PDE8B: variants seen among roughly 807,000 people sequenced by gnomAD.
The protein encoded by PDE8B is phosphodiesterase 8B, also known as high affinity cAMP-specific and IBMX-insensitive 3',5'-cyclic phosphodiesterase 8B.
In PDE8B, 26 loss-of-function variants were observed where a neutral mutation model predicts 101.3. The ratio of observed to expected loss-of-function variants is 0.26; its 90% CI spans 0.19 to 0.36. The LOEUF (loss-of-function observed/expected upper bound fraction) is 0.36. Among genes scored for constraint, PDE8B ranks in the 10% least tolerant of loss-of-function variants. The pLI, the probability that PDE8B is intolerant of heterozygous loss-of-function variation, is 1.00. For synonymous variants in PDE8B, 424 were observed against 429.3 expected, an observed-to-expected ratio of 0.99 and a Z score of 0.15; for missense variants, 810 against 1,163.1, an observed-to-expected ratio of 0.70 and a Z score of 4.42.
At chr5:77,415,837 A>G (rs981404878) in intron 17 of PDE8B, among the ~76,000 whole-genome samples, 3 of 152,212 alleles carry the variant, frequency 2.0e-5, no homozygotes, top group African/African-American at 7.2e-5. Context: ...CTTTATTAGT[A>G]TCTGAGCATA....
At chr5:77,149,325 G>C in the PDE8B span, among the ~76,000 whole-genome samples, 2 of 152,142 alleles carry the variant, frequency 1.3e-5, no homozygotes, top group African/African-American at 4.8e-5. Flanking sequence ...TTTGTTCTTA[G>C]TTTTCAGAAT....
chr5:77,117,424 T>A, the PDE8B span, among the ~76,000 whole-genome samples: 1 of 152,170 alleles, frequency 6.6e-6, no homozygotes, highest in Non-Finnish European at 1.5e-5. Flanking sequence ...AGACTGACAA[T>A]GCCTGGTACT....
At chr5:77,257,193 C>G (rs527348481) in intron 1 of PDE8B, among the ~76,000 whole-genome samples, 8 of 151,978 alleles carry the variant, frequency 5.3e-5, no homozygotes, top group Non-Finnish European at 1.2e-4. Context: ...AAACAAAAAG[C>G]AAGATGATAG....
chr5:77,297,106 G>A (rs1263940471), intron 1 of PDE8B, among the ~76,000 whole-genome samples: 1 of 152,206 alleles, frequency 6.6e-6, no homozygotes, highest in Non-Finnish European at 1.5e-5. Flanking sequence ...GGGCAAGTGA[G>A]TGTGGGAGAC....
chr5:77,423,661 A>ATTTTTTTTTTTTTTTTTTTT (rs1797245306), intron 20 of PDE8B, among the ~76,000 whole-genome samples: 1 of 24,966 alleles, frequency 4.0e-5, no homozygotes, highest in African/African-American at 1.3e-4. Flanking sequence ...TTTTTTTTTG[A>ATTTTTTTTTTTTTTTTTTTT]GACAGTCTTG....
chr5:77,404,946 T>G (rs55849414), intron 12 of PDE8B, 149 bp downstream of exon 12: 2 of 608,794 alleles, frequency 3.3e-6, no homozygotes, highest in Admixed American at 5.5e-5. Context: ...GTTTTAGGGG[T>G]TTTAATTATT....
Position 77,349,295 on chromosome 5 carries a change from G to A in PDE8B, c.877-124G>A. ...CAGCTAACTGCATTAGAGAATGTTTGCCCTGGGAACTTCTTGCTTGATATT... is the reference window on the plus strand; with the variant it reads ...CAGCTAACTGCATTAGAGAATGTTTACCCTGGGAACTTCTTGCTTGATATT... On this transcript the variant is annotated intron_variant, in intron 7 of 21. Coordinates refer to ENST00000264917, the MANE Select transcript of PDE8B (RefSeq NM_003719.5). 3.2e-6 allele frequency: 4 copies of A among 1,268,416 alleles called. No individual in the cohort carries two copies. In the South Asian group the frequency reaches 5.0e-5, roughly 16 times the overall value. 78.6% of individuals were successfully genotyped at this position (1,268,416 alleles called of 1,614,324 possible).
chr5:77,242,118 G>A (rs1755888305), intron 1 of PDE8B, among the ~76,000 whole-genome samples: 1 of 152,178 alleles, frequency 6.6e-6, no homozygotes, highest in Admixed American at 6.5e-5. Flanking sequence ...GAGAATGCAT[G>A]GAGCAATTAT....
At chr5:77,090,160 A>C in the PDE8B span, among the ~76,000 whole-genome samples, 1 of 152,260 alleles carries the variant, frequency 6.6e-6, no homozygotes, top group East Asian at 1.9e-4. Context: ...GAATGGGTAC[A>C]AGCAAACAGA....
At chr5:77,139,033 C>T in the PDE8B span, among the ~76,000 whole-genome samples, 6 of 152,202 alleles carry the variant, frequency 3.9e-5, no homozygotes, top group Non-Finnish European at 5.9e-5. Context: ...ATGACTCCCA[C>T]GGCCCCTCCT....
intron 20 of PDE8B, among the ~76,000 whole-genome samples, chr5:77,423,648 T>TTTTTTTTTTTTTTTTTTTTTTTTTTTTG: frequency 7.6e-6 from 1 of 131,124 alleles, no homozygotes; most frequent in African/African-American, 2.8e-5. Flanking sequence ...TTTTTTTTTT[T>TTTTTTTTTTTTTTTTTTTTTTTTTTTTG]TTTTTTTTTT....
At position 77,266,817 on chromosome 5, in the gene PDE8B, G is replaced by A. The variant is rs1761804014; in HGVS notation, c.340-45177G>A. 2.0e-5 allele frequency among the ~76,000 whole-genome samples: 3 copies of A among 151,496 alleles called. No individual in the cohort carries two copies. In the South Asian group the frequency reaches 6.3e-4, roughly 32 times the overall value. ...TAATTCTTCATGTTGGTGGGCCCCT[G>A]CCTTCAGCCCCAAAGAATGCAGCAT... On this transcript the variant is annotated intron_variant, in intron 1 of 21. Coordinates refer to ENST00000264917, the MANE Select transcript of PDE8B (RefSeq NM_003719.5).
chr5:77,230,460 T>G (rs1309915490), intron 1 of PDE8B, among the ~76,000 whole-genome samples: 3 of 152,154 alleles, frequency 2.0e-5, no homozygotes, highest in African/African-American at 7.2e-5. Flanking sequence ...AGCCTGTGCA[T>G]TTTAAATTTA....
chr5:77,121,558 A>C, the PDE8B span, among the ~76,000 whole-genome samples: 1 of 145,514 alleles, frequency 6.9e-6, no homozygotes, highest in Admixed American at 7.1e-5. Context: ...CCCAGGCTGG[A>C]GTGCAGTGGC....
the PDE8B span, among the ~76,000 whole-genome samples, chr5:77,150,360 G>C: frequency 6.6e-6 from 1 of 152,320 alleles, no homozygotes; most frequent in East Asian, 1.9e-4. Flanking sequence ...GTTTCTCAGA[G>C]TTCCCAATGG....
At chr5:77,350,275 T>C (rs933536790) in intron 8 of PDE8B, among the ~76,000 whole-genome samples, 2 of 152,110 alleles carry the variant, frequency 1.3e-5, no homozygotes, top group African/African-American at 4.8e-5. Context: ...TAAGATAAAT[T>C]TGGATTATAG....
At chr5:77,397,844 G>A (rs1341029617) in intron 10 of PDE8B, among the ~76,000 whole-genome samples, 5 of 152,162 alleles carry the variant, frequency 3.3e-5, no homozygotes, top group African/African-American at 4.8e-5. Context: ...GCTGTTGCCC[G>A]TGACTGCTAG....
chr5:77,100,500 C>T, the PDE8B span: 1 of 152,178 alleles, frequency 6.6e-6, no homozygotes, highest in Non-Finnish European at 1.5e-5. Flanking sequence ...TGGTACAGGC[C>T]TTCTTGTTCT....
intron 2 of PDE8B, among the ~76,000 whole-genome samples, chr5:77,324,536 A>G (rs771006927): frequency 7.9e-5 from 12 of 152,192 alleles, no homozygotes; most frequent in Non-Finnish European, 1.5e-4. Flanking sequence ...GAAACTGTGT[A>G]AAGTATTGCT....
Sources: allele counts gnomAD v4.1 joint callset (sites outside exome capture counted in the v4.1 genomes callset), GRCh38; gene constraint gnomAD v4.1.1; transcripts MANE v1.5; gene names NCBI Gene and HGNC (gene_info 2026-07-23, HGNC 2026-07-21).